Variants in TENM3 observed in about 807,000 individuals in gnomAD.
TENM3 encodes the protein teneurin transmembrane protein 3, also known as teneurin-3.
TENM3 carries 63 observed loss-of-function variants against 255.1 expected under a neutral mutation model. The observed-to-expected ratio is 0.25, with a 90% CI of 0.20 to 0.30. TENM3 has a LOEUF of 0.30. Among genes scored for constraint, TENM3 ranks in the 10% least tolerant of loss-of-function variants. TENM3 has a pLI of 1.00. For synonymous variants in TENM3, 1,306 were observed against 1,322.3 expected (o/e 0.99, Z 0.27); for missense variants, 2,929 against 3,461.1 (o/e 0.85, Z 3.86).
intron 3 of TENM3, among the ~76,000 whole-genome samples, chr4:182,430,057 C>T (rs936847921): frequency 6.6e-6 from 1 of 152,210 alleles, no homozygotes; most frequent in Admixed American, 6.5e-5. Context: ...TTTCACCATT[C>T]TTCAATGCAG....
At chr4:182,681,424 A>G (rs1756166138) in intron 10 of TENM3, among the ~76,000 whole-genome samples, 1 of 152,198 alleles carries the variant, frequency 6.6e-6, no homozygotes, top group South Asian at 2.1e-4. Flanking sequence ...AGAGTATGCA[A>G]CTCATTTATT....
chr4:181,959,712 A>AT, the TENM3 span, among the ~76,000 whole-genome samples: 97 of 152,274 alleles, frequency 6.4e-4, no homozygotes, highest in Non-Finnish European at 4.9e-4. Flanking sequence ...CATATTACAG[A>AT]TTTTATATTG....
intron 13 of TENM3, among the ~76,000 whole-genome samples, chr4:182,719,158 A>C (rs998971255): frequency 6.6e-6 from 1 of 151,816 alleles, no homozygotes; most frequent in African/African-American, 2.4e-5. Flanking sequence ...TAAAAGATAC[A>C]TACTAAACTT....
the TENM3 span, among the ~76,000 whole-genome samples, chr4:182,013,093 T>C: frequency 6.6e-6 from 1 of 152,210 alleles, no homozygotes; most frequent in Non-Finnish European, 1.5e-5. Context: ...TCCCCTTGAA[T>C]GAATGGCGAG....
chr4:181,641,054 CTG>C, the TENM3 span, among the ~76,000 whole-genome samples: 1 of 152,138 alleles, frequency 6.6e-6, no homozygotes, highest in Non-Finnish European at 1.5e-5. Context: ...TACTAAGAGA[CTG>C]TTTTATCAAA....
At chr4:182,618,682 A>G (rs1177101948) in intron 4 of TENM3, among the ~76,000 whole-genome samples, 2 of 151,930 alleles carry the variant, frequency 1.3e-5, no homozygotes, top group Admixed American at 1.3e-4. Context: ...AAGATAGGAG[A>G]CAGAAGTTTT....
At chr4:182,322,230 G>A (rs930707096) in intron 1 of TENM3, among the ~76,000 whole-genome samples, 1 of 152,100 alleles carries the variant, frequency 6.6e-6, no homozygotes, top group African/African-American at 2.4e-5. Context: ...TGGAAAAGAA[G>A]ACAAAGGTAG....
intron 2 of TENM3, among the ~76,000 whole-genome samples, chr4:182,328,633 G>T (rs1448741153): frequency 1.3e-5 from 2 of 152,154 alleles, no homozygotes; most frequent in African/African-American, 4.8e-5. Flanking sequence ...GTTTGAGAAC[G>T]ACAGGCACTG....
chr4:182,731,786 CT>C (rs574747801), intron 16 of TENM3, among the ~76,000 whole-genome samples: 1,321 of 127,684 alleles, frequency 0.01, 6 homozygotes, highest in Non-Finnish European at 0.015. Context: ...TTTCTTTTTT[CT>C]TTTTTTTTTT....
chr4:181,763,032 T>G, the TENM3 span, among the ~76,000 whole-genome samples: 1 of 152,060 alleles, frequency 6.6e-6, no homozygotes, highest in African/African-American at 2.4e-5. Flanking sequence ...ATATGACAAA[T>G]ATATAATACT....
chr4:181,506,015 T>C, the TENM3 span, among the ~76,000 whole-genome samples: 2 of 152,290 alleles, frequency 1.3e-5, no homozygotes, highest in African/African-American at 4.8e-5. Context: ...AATAGATTGA[T>C]AAAAAACGTT....
the TENM3 span, among the ~76,000 whole-genome samples, chr4:181,912,088 G>C: frequency 1.3e-5 from 2 of 152,194 alleles, no homozygotes; most frequent in Non-Finnish European, 1.5e-5. Context: ...AGCAGAGATG[G>C]GGTGGGCCAG....
Position 182,577,368 on chromosome 4 carries a change from T to G in TENM3, c.512-23556T>G, listed in dbSNP as rs146254456. 1.2e-3 allele frequency among the ~76,000 whole-genome samples: 187 copies of G among 152,330 alleles called. 1 individual carries two copies. Among genetic ancestry groups the G allele is most frequent in the African/African-American group, 4.4e-3 (181 of 41,572 alleles). On this transcript the variant is annotated intron_variant, in intron 3 of 27. Transcript: ENST00000511685. Reference sequence around the variant, plus strand: ...GAAAGTACCTGAAGTACAGTAGGTATTCTATGTAGGTGTGTTGTATAAATT... The same window carrying G: ...GAAAGTACCTGAAGTACAGTAGGTAGTCTATGTAGGTGTGTTGTATAAATT...
the TENM3 span, among the ~76,000 whole-genome samples, chr4:181,637,192 G>A: frequency 6.7e-6 from 1 of 150,260 alleles, no homozygotes; most frequent in Non-Finnish European, 1.5e-5. Flanking sequence ...TGCAAAATTA[G>A]TTATAATTAT....
At chr4:182,741,703 CTTG>C (rs1402063182) in intron 18 of TENM3, among the ~76,000 whole-genome samples, 1 of 152,220 alleles carries the variant, frequency 6.6e-6, no homozygotes, top group Non-Finnish European at 1.5e-5. Context: ...CATTTCACCT[CTTG>C]TTATGATCCA....
At chr4:181,963,305 G>A in the TENM3 span, among the ~76,000 whole-genome samples, 6 of 152,162 alleles carry the variant, frequency 3.9e-5, no homozygotes, top group Non-Finnish European at 8.8e-5. Flanking sequence ...ATATAAAGAA[G>A]CTTCCAATTG....
chr4:182,172,642 A>C (rs1752185110), intron 1 of TENM3, among the ~76,000 whole-genome samples: 1 of 152,202 alleles, frequency 6.6e-6, no homozygotes, highest in South Asian at 2.1e-4. Flanking sequence ...TGAAAAACCG[A>C]GAAACTATAA....
At chr4:182,546,977 G>A (rs79436537) in intron 3 of TENM3, among the ~76,000 whole-genome samples, 5,379 of 152,116 alleles carry the variant, frequency 0.035, 221 homozygotes, top group East Asian at 0.23. Flanking sequence ...GTTAACTGCT[G>A]GATTAATCCT....
intron 3 of TENM3, among the ~76,000 whole-genome samples, chr4:182,386,184 A>G (rs1353500880): frequency 2.0e-5 from 3 of 152,254 alleles, no homozygotes; most frequent in Non-Finnish European, 4.4e-5. Flanking sequence ...TAAAAATTTC[A>G]GTAAACATAG....
Sources: gnomAD v4.1 joint callset for allele counts (sites outside exome capture counted in the v4.1 genomes callset) on GRCh38, gnomAD v4.1.1 for gene constraint, MANE v1.5 for transcripts, NCBI Gene and HGNC (gene_info 2026-07-23, HGNC 2026-07-21) for gene names.